Variants in IFT88 observed in about 807,000 individuals in gnomAD.
The protein encoded by IFT88 is intraflagellar transport protein 88 homolog.
In IFT88, 74 loss-of-function variants were observed where a neutral mutation model predicts 119.5. That is an observed-to-expected ratio of 0.62 (90% confidence interval 0.51 to 0.75). IFT88 has a LOEUF of 0.75. IFT88 is among the 30% of genes least tolerant of loss of function. The pLI is 0.00. For synonymous variants in IFT88, 279 were observed against 316.7 expected (o/e 0.88, Z 1.26); for missense variants, 961 against 977.7 (o/e 0.98, Z 0.23).
chr13:20,590,078 C>T (rs1174055522), intron 4 of IFT88, among the ~76,000 whole-genome samples: 1 of 151,924 alleles, frequency 6.6e-6, no homozygotes, highest in African/African-American at 2.4e-5. Flanking sequence ...TTTTATTAAC[C>T]TTTTTCCATT....
intron 16 of IFT88, among the ~76,000 whole-genome samples, chr13:20,636,323 C>A (rs1307845377): frequency 6.6e-6 from 1 of 152,208 alleles, no homozygotes; most frequent in Non-Finnish European, 1.5e-5. Context: ...ATCTGAGAAT[C>A]TTGTGCCACC....
chr13:20,607,557 A>G (rs376886851), intron 13 of IFT88: 1 of 721,838 alleles, frequency 1.4e-6, no homozygotes, highest in Non-Finnish European at 2.6e-6. Flanking sequence ...CATTTTCTCC[A>G]AAAAGATCTT....
chr13:20,650,422 C>T (rs1043114055), intron 20 of IFT88, among the ~76,000 whole-genome samples: 9 of 152,068 alleles, frequency 5.9e-5, no homozygotes, highest in African/African-American at 1.4e-4. Context: ...AATTCAACAC[C>T]GCTTTGTGAT....
intron 17 of IFT88, among the ~76,000 whole-genome samples, chr13:20,639,093 A>C (rs969710088): frequency 2.6e-5 from 4 of 152,142 alleles, no homozygotes; most frequent in Non-Finnish European, 4.4e-5. Flanking sequence ...CCTGGGCATG[A>C]ATTTTCAGTA....
In IFT88 at chr13:20,679,737, AT is replaced by A. The variant is rs373930640; in HGVS notation, c.2242+8700del. 2.3e-3 allele frequency among the ~76,000 whole-genome samples: 356 copies of A among 152,334 alleles called. 2 individuals carry two copies. Among genetic ancestry groups the A allele is most frequent in the South Asian group, 0.017 (83 of 4,824 alleles). ...AATTCTAACATGTAATTAGGATTAT[AT>A]TGGGTTGGCTTAGTATATTTTCCTT... On this transcript the variant is annotated intron_variant, in intron 24 of 25. Transcript: ENST00000351808.
chr13:20,646,543 C>A (rs1021009804), intron 20 of IFT88, among the ~76,000 whole-genome samples: 5 of 152,054 alleles, frequency 3.3e-5, no homozygotes, highest in Non-Finnish European at 7.4e-5. Flanking sequence ...GTCTTGAACT[C>A]CTGACCTCAA....
intron 16 of IFT88, among the ~76,000 whole-genome samples, chr13:20,637,327 G>A (rs1236095476): frequency 6.6e-5 from 10 of 152,234 alleles, no homozygotes; most frequent in Non-Finnish European, 1.5e-4. Context: ...GACGGTCACT[G>A]TGAGTGTTAT....
At chr13:20,644,198 C>A (rs2050391830) in intron 19 of IFT88, among the ~76,000 whole-genome samples, 1 of 152,110 alleles carries the variant, frequency 6.6e-6, no homozygotes, top group South Asian at 2.1e-4. Context: ...AAGACCCCAT[C>A]TCTACAAATA....
intron 24 of IFT88, among the ~76,000 whole-genome samples, chr13:20,680,808 G>T (rs778217483): frequency 6.6e-6 from 1 of 151,862 alleles, no homozygotes; most frequent in Non-Finnish European, 1.5e-5. Flanking sequence ...TTGGCCTGGA[G>T]AACACAAGCA....
chr13:20,622,340 A>T (rs766239446), intron 14 of IFT88, among the ~76,000 whole-genome samples: 2 of 152,216 alleles, frequency 1.3e-5, no homozygotes, highest in Non-Finnish European at 2.9e-5. Context: ...TCTTTGGATA[A>T]ATACCAAGGA....
chr13:20,624,284 A>T (rs2046976083), intron 14 of IFT88, among the ~76,000 whole-genome samples: 1 of 152,100 alleles, frequency 6.6e-6, no homozygotes, highest in African/African-American at 2.4e-5. Flanking sequence ...ATAGTGATGC[A>T]GGGATGCATA....
rs775806958 is a variant in IFT88, at chr13:20,601,774, A to G, written c.882A>G (p.Ser294=). Residue 294 remains serine (S), a synonymous_variant, in exon 12 of 26, where the codon TCA becomes TCG. Coordinates refer to ENST00000351808, the MANE Select transcript of IFT88 (RefSeq NM_006531.5). The part of the protein sequence containing the change: ...QAGQYSDAIN[S]YEHIMSMAPN... ...GTCAGTATTCAGATGCTATTAATTC[A>G]TATGAGCACATAATGAGCATGGCAC... is the stretch of plus-strand genomic sequence containing the variant. 27 of 1,613,172 alleles carry G rather than the reference A, an allele frequency of 1.7e-5. No homozygotes were observed. Among genetic ancestry groups the G allele is most frequent in the Non-Finnish European group, 1.7e-5 (20 of 1,179,254 alleles).
intron 3 of IFT88, among the ~76,000 whole-genome samples, chr13:20,586,639 T>TGG (rs1387983087): frequency 6.6e-6 from 1 of 151,978 alleles, no homozygotes; most frequent in African/African-American, 2.4e-5. Flanking sequence ...AAAATGAGAT[T>TGG]TAGTCATTAG....
At chr13:20,670,879 T>G in intron 23 of IFT88, 94 bp from the exon 24 acceptor site, 1 of 959,332 alleles carries the variant, frequency 1.0e-6, no homozygotes, top group Non-Finnish European at 1.6e-6. Flanking sequence ...CTAAGGGTAA[T>G]GTAGTAATGT....
intron 13 of IFT88, among the ~76,000 whole-genome samples, chr13:20,613,760 G>A (rs567734906): frequency 6.6e-6 from 1 of 152,144 alleles, no homozygotes; most frequent in African/African-American, 2.4e-5. Context: ...AAGGAATGAA[G>A]TACTGATACG....
At chr13:20,609,254 G>A (rs749646151) in intron 13 of IFT88, among the ~76,000 whole-genome samples, 1 of 152,110 alleles carries the variant, frequency 6.6e-6, no homozygotes, top group Non-Finnish European at 1.5e-5. Flanking sequence ...TCAAAGCTTC[G>A]AGAGAAGCTT....
chr13:20,631,167 G>A lies in IFT88; in HGVS notation c.1386+65G>A, dbSNP rs1223686942. 3 of 1,018,172 alleles carry A rather than the reference G, an allele frequency of 2.9e-6. No homozygotes were observed. In the Admixed American group the frequency reaches 5.1e-5, roughly 17 times the overall value. The allele number at this position is 1,018,172 out of a possible 1,614,324, so 63.1% of individuals were successfully genotyped here. A position where few individuals can be genotyped will look rare whatever the true frequency, so the allele number is the denominator to read the frequency against. On this transcript the variant is annotated intron_variant, in intron 16 of 25. Coordinates refer to ENST00000351808, the MANE Select transcript of IFT88 (RefSeq NM_006531.5). ...TTTATATTGCTAAATTTCTGCCCAA[G>A]GATCATGCCTAGGGAGAGGTCCAAA...
chr13:20,597,899 C>G (rs939489707), intron 9 of IFT88, among the ~76,000 whole-genome samples: 1 of 151,606 alleles, frequency 6.6e-6, no homozygotes, highest in African/African-American at 2.4e-5. Flanking sequence ...ACTTTTCGGT[C>G]AGTGATTTTC....
At chr13:20,594,941 A>G (rs545547631) in intron 7 of IFT88, among the ~76,000 whole-genome samples, 2 of 152,364 alleles carry the variant, frequency 1.3e-5, no homozygotes, top group African/African-American at 2.4e-5. Flanking sequence ...AGCAGTAGTA[A>G]AATTTTATTT....
Sources: allele counts gnomAD v4.1 joint callset (sites outside exome capture counted in the v4.1 genomes callset), GRCh38; gene constraint gnomAD v4.1.1; transcripts MANE v1.5; gene names NCBI Gene and HGNC (gene_info 2026-07-23, HGNC 2026-07-21).